The following GPR17 variants were observed in gnomAD, a reference collection of about 807,000 sequenced individuals.
GPR17 encodes the protein G protein-coupled receptor 17.
GPR17 carries 4 observed loss-of-function variants against 1.5 expected under a neutral mutation model. The ratio of observed to expected loss-of-function variants is 2.73; its 90% CI spans 1.35 to 6.25. The LOEUF (loss-of-function observed/expected upper bound fraction) is 6.25, where lower values mean the gene tolerates loss of function less well. GPR17 is among the 30% of genes most tolerant of loss of function. GPR17 has a pLI of 0.00. For missense variants in GPR17, 463 were observed against 462.1 expected (o/e 1.00, Z -0.02); for synonymous variants, 209 against 207.6 (o/e 1.01, Z -0.06).
rs780603592 is a variant in GPR17 at position 127,651,738 on chromosome 2, G to A, written c.1003G>A (p.Ala335Thr). ...GAAAACCAACGAGAGCTCGCTGAGT[G>A]CCAAGTCAGAGCTGTGAGCGGGGGG... ...EGKTNESSLS[A>T]KSEL The change falls in exon 2 of 2, where the codon GCC becomes ACC. Residue 335 changes from alanine (A) to threonine (T), a missense_variant. Transcript: ENST00000486700. The A allele has an allele frequency of 6.2e-7, 1 of 1,612,546 alleles. No homozygotes were observed. Among genetic ancestry groups the A allele is most frequent in the South Asian group, 1.1e-5 (1 of 91,052 alleles).
Position 127,647,245 on chromosome 2 carries a change from C to T in GPR17, c.-21+1001C>T, listed in dbSNP as rs1445321977. On this transcript the variant is annotated intron_variant, in intron 1 of 1. Coordinates refer to ENST00000486700, the MANE Select transcript of GPR17 (RefSeq NM_001161417.2). The surrounding 1 kb of genome is among the most constrained non-coding windows in gnomAD (Gnocchi z 4.3). ...TAAAATGAGGGAGTGGCCCCAGGGC[C>T]AGGAGGGGGTGCTGAGCCTGGGAGA... 6.6e-6 allele frequency among the ~76,000 whole-genome samples: 1 copy of T among 152,172 alleles called. No individual in the cohort carries two copies. Among genetic ancestry groups the T allele is most frequent in the Non-Finnish European group, 1.5e-5 (1 of 68,012 alleles).
In GPR17 at chr2:127,651,218, G is replaced by A. The variant is rs1325779641; in HGVS notation, c.483G>A (p.Val161=). Residue 161 remains valine (V), a synonymous_variant, in exon 2 of 2, where the codon GTG becomes GTA. Coordinates refer to ENST00000486700, the MANE Select transcript of GPR17 (RefSeq NM_001161417.2). ...ACAFLWVVVA[V]AMAPLLVSPQ... is the part of the protein sequence containing the mutation. Reference sequence around the variant, plus strand: ...CCTTCCTGTGGGTGGTGGTGGCTGTGGCCATGGCCCCGCTGCTGGTGAGCC... The same window carrying A: ...CCTTCCTGTGGGTGGTGGTGGCTGTAGCCATGGCCCCGCTGCTGGTGAGCC... 3.1e-6 allele frequency: 5 copies of A among 1,608,974 alleles called. No individual in the cohort carries two copies. Among genetic ancestry groups the A allele is most frequent in the Admixed American group, 3.3e-5 (2 of 59,948 alleles).
At chr2:127,649,391 C>T (rs1573786527) in intron 1 of GPR17, among the ~76,000 whole-genome samples, 1 of 152,234 alleles carries the variant, frequency 6.6e-6, no homozygotes, top group Non-Finnish European at 1.5e-5. Flanking sequence ...TCTCTCCAGC[C>T]TCTGCTTCAG....
chr2:127,651,492 G>A lies in GPR17; in HGVS notation c.757G>A (p.Val253Ile), dbSNP rs200480389. 8.4e-5 allele frequency: 136 copies of A among 1,612,654 alleles called. No homozygotes were observed. Among genetic ancestry groups the A allele is most frequent in the Middle Eastern group, 3.3e-4 (2 of 6,062 alleles). Residue 253 changes from valine (V) to isoleucine (I), a missense_variant, in exon 2 of 2, where the codon GTC becomes ATC. Val to Ile is a conservative substitution (Grantham distance 29). Transcript: ENST00000486700. ...CCTGGTCTGCTTCGTGCCCTACCAC[G>A]TCAACCGCTCCGTCTACGTGCTGCA... ...IFLVCFVPYH[V>I]NRSVYVLHYR... is the part of the protein sequence containing the mutation.
At chr2:127,650,453 T>A (rs1683617804) in intron 1 of GPR17, 1 of 547,308 alleles carries the variant, frequency 1.8e-6, no homozygotes. Flanking sequence ...GAGCCTCAGA[T>A]CTCCTGGGTG....
chr2:127,648,036 C>T, intron 1 of GPR17: 1 of 985,896 alleles, frequency 1.0e-6, no homozygotes. Context: ...GCATCACTCA[C>T]CCCGCCTTCT....
chr2:127,650,308 T>C (rs1013489633), intron 1 of GPR17: 3 of 570,268 alleles, frequency 5.3e-6, no homozygotes, highest in South Asian at 2.1e-5. Flanking sequence ...GGAGACACAC[T>C]GCCCCCGCCC....
intron 1 of GPR17, chr2:127,650,093 A>G: frequency 6.3e-7 from 1 of 1,593,534 alleles, no homozygotes. Context: ...AAAAGAGTAG[A>G]CCTCTGACGT....
chr2:127,651,659 G>C lies in GPR17; in HGVS notation c.924G>C (p.Leu308=), dbSNP rs199833483. The change falls in exon 2 of 2, where the codon CTG becomes CTC. Residue 308 remains leucine, a synonymous_variant. Coordinates refer to ENST00000486700, the MANE Select transcript of GPR17 (RefSeq NM_001161417.2). ...TGGCTGAGAAGTTCCGCCACGCCCT[G>C]TGCAACTTGCTCTGTGGCAAAAGGC... ...FFVAEKFRHA[L]CNLLCGKRLK... is the part of the protein sequence containing the mutation. The C allele has an allele frequency of 3.7e-4, 596 of 1,613,442 alleles. 2 individuals are homozygous for C. Among genetic ancestry groups the C allele is most frequent in the Non-Finnish European group, 3.6e-4 (422 of 1,180,040 alleles).
Position 127,651,809 on chromosome 2 carries a change from G to A in GPR17, c.*54G>A. 6.5e-7 allele frequency: 1 copy of A among 1,530,298 alleles called. No homozygotes were observed. Among genetic ancestry groups the A allele is most frequent in the Non-Finnish European group, 8.9e-7 (1 of 1,122,416 alleles). 94.8% of individuals were successfully genotyped at this position (1,530,298 alleles called of 1,614,324 possible). Reference sequence around the variant, plus strand: ...GACTGTTTAGGACTCAGCAGACCCAGCAAGAGGCATCTGCCCTTTCCCCAG... The same window carrying A: ...GACTGTTTAGGACTCAGCAGACCCAACAAGAGGCATCTGCCCTTTCCCCAG... On this transcript the variant is annotated 3_prime_UTR_variant, in exon 2 of 2. Coordinates refer to ENST00000486700, the MANE Select transcript of GPR17 (RefSeq NM_001161417.2).
intron 1 of GPR17, among the ~76,000 whole-genome samples, chr2:127,649,045 G>A (rs201322479): frequency 1.1e-4 from 5 of 44,914 alleles, no homozygotes; most frequent in Non-Finnish European, 2.9e-4. Flanking sequence ...AAGAAAGAAA[G>A]AGAAAAGAAG....
In GPR17 at chr2:127,650,907, C is replaced by T. The variant is rs757560269; in HGVS notation, c.172C>T (p.Arg58Ter). ...TACCCTGGCTCTGTGGCTTTTCATCCGAGACCACAAGTCCGGGACCCCGGC... is the reference window on the plus strand; with the variant it reads ...TACCCTGGCTCTGTGGCTTTTCATCTGAGACCACAAGTCCGGGACCCCGGC... The part of the protein sequence containing the change: ...GNTLALWLFI[R>*]DHKSGTPANV... Residue 58 changes from arginine (R) to a stop codon, truncating the protein, a stop_gained, in exon 2 of 2, where the codon CGA (arginine) becomes TGA (stop). Transcript: ENST00000486700. LOFTEE classifies it low-confidence loss of function (END_TRUNC). 1.4e-5 allele frequency: 23 copies of T among 1,613,934 alleles called. No homozygotes were observed. The Admixed American group carries it at 1.5e-4, about 11-fold the overall frequency.
chr2:127,651,684 C>T lies in GPR17; in HGVS notation c.949C>T (p.Leu317Phe). 1 of 1,613,274 alleles carries T rather than the reference C, an allele frequency of 6.2e-7. No homozygotes were observed. The highest frequency in any genetic ancestry group is 8.5e-7 in the Non-Finnish European group (1 of 1,180,036). The stretch of plus-strand genomic sequence containing the variant: ...GTGCAACTTGCTCTGTGGCAAAAGG[C>T]TCAAGGGCCCGCCCCCCAGCTTCGA... ...ALCNLLCGKR[L>F]KGPPPSFEGK... is the part of the protein sequence containing the mutation. Residue 317 changes from leucine (L) to phenylalanine (F), a missense_variant, in exon 2 of 2, where the codon CTC becomes TTC. By Grantham distance (22) the Leu-to-Phe change is conservative (BLOSUM62 0). Coordinates refer to ENST00000486700, the MANE Select transcript of GPR17 (RefSeq NM_001161417.2).
chr2:127,647,153 G>A lies in GPR17; in HGVS notation c.-21+909G>A, dbSNP rs540502464. On this transcript the variant is annotated intron_variant, in intron 1 of 1. Coordinates refer to ENST00000486700, the MANE Select transcript of GPR17 (RefSeq NM_001161417.2). This position sits in a 1 kb window ranked among gnomAD's most constrained non-coding sequence, Gnocchi z 4.3. ...GCCCTGAGCCCAGTAACACTCTGCC[G>A]TCACTGTCCTGAAACTCTTCCTTTT... is the stretch of plus-strand genomic sequence containing the variant. Among the ~76,000 whole-genome samples, 11 of 152,298 alleles carry A rather than the reference G, an allele frequency of 7.2e-5. No individual in the cohort carries two copies. The East Asian group carries it at 1.7e-3, about 24-fold the overall frequency.
In GPR17 at chr2:127,652,135, A is replaced by G. The variant is rs1475710135; in HGVS notation, c.*380A>G. 3.8e-6 allele frequency: 1 copy of G among 266,596 alleles called. No homozygotes were observed. Among genetic ancestry groups the G allele is most frequent in the Admixed American group, 5.0e-5 (1 of 20,032 alleles). The allele number at this position is 266,596 out of a possible 1,614,324, so 16.5% of individuals were successfully genotyped here. ...GGCTCAGCAGAAAGACCCTGAAGGC[A>G]GGCTGCAAATGACCCAGAAGAGGGA... On this transcript the variant is annotated 3_prime_UTR_variant, in exon 2 of 2. Coordinates refer to ENST00000486700, the MANE Select transcript of GPR17 (RefSeq NM_001161417.2).
In GPR17 at chr2:127,647,461, C is replaced by G. The variant is rs1683115680; in HGVS notation, c.-21+1217C>G. 6.6e-6 allele frequency among the ~76,000 whole-genome samples: 1 copy of G among 152,190 alleles called. No individual in the cohort carries two copies. The highest frequency in any genetic ancestry group is 6.5e-5 in the Admixed American group (1 of 15,284). ...AACATGGGGCTAAAACTGGTTTGAG[C>G]CAGCACAGGCAGGCCCCCACCATGC... On this transcript the variant is annotated intron_variant, in intron 1 of 1. Coordinates refer to ENST00000486700, the MANE Select transcript of GPR17 (RefSeq NM_001161417.2). This position sits in a 1 kb window ranked among gnomAD's most constrained non-coding sequence, Gnocchi z 4.3.
At chr2:127,650,663 T>G (rs2105270066) in intron 1 of GPR17, 53 bp from the exon 2 acceptor site, 1 of 1,282,944 alleles carries the variant, frequency 7.8e-7, no homozygotes, top group South Asian at 1.3e-5. Context: ...TCAGAGAGCG[T>G]GAAGCTGCCT....
Position 127,647,858 on chromosome 2 carries a change from C to A in GPR17, c.-21+1614C>A, listed in dbSNP as rs1353987154. 6.6e-6 allele frequency among the ~76,000 whole-genome samples: 1 copy of A among 152,036 alleles called. No individual in the cohort carries two copies. The highest frequency in any genetic ancestry group is 2.4e-5 in the African/African-American group (1 of 41,382). ...AACACGACACCCTCAAAGTCATGGG[C>A]CCCCCTCCCCTGCCACCGTCCCACC... On this transcript the variant is annotated intron_variant, in intron 1 of 1. Coordinates refer to ENST00000486700, the MANE Select transcript of GPR17 (RefSeq NM_001161417.2). This position sits in a 1 kb window ranked among gnomAD's most constrained non-coding sequence, Gnocchi z 4.3.
rs759392175 is a variant in GPR17, at chr2:127,651,615, C to G, written c.880C>G (p.Pro294Ala). The G allele has an allele frequency of 3.1e-6, 5 of 1,613,470 alleles. No individual in the cohort carries two copies. The highest frequency in any genetic ancestry group is 4.2e-6 in the Non-Finnish European group (5 of 1,180,046). ...CACCAGCCTCAACGGGGCACTCGAC[C>G]CCATCATGTATTTCTTCGTGGCTGA... The part of the protein sequence containing the change: ...CLTSLNGALD[P>A]IMYFFVAEKF... The change falls in exon 2 of 2, where the codon CCC becomes GCC. Residue 294 changes from proline to alanine, a missense_variant. By Grantham distance (27) the Pro-to-Ala change is conservative. Coordinates refer to ENST00000486700, the MANE Select transcript of GPR17 (RefSeq NM_001161417.2).
Sources: allele counts gnomAD v4.1 joint callset (sites outside exome capture counted in the v4.1 genomes callset), GRCh38; gene constraint gnomAD v4.1.1; non-coding constraint Gnocchi (gnomAD v3.1); transcripts MANE v1.5; gene names NCBI Gene and HGNC (gene_info 2026-07-23, HGNC 2026-07-21).